Variants in RPS6KC1 observed in about 807,000 individuals in gnomAD.
RPS6KC1 encodes the protein ribosomal protein S6 kinase C1.
A neutral mutation model predicts 103.8 loss-of-function variants in RPS6KC1; 54 were observed. The observed-to-expected ratio is 0.52, with a 90% confidence interval of 0.42 to 0.65. The LOEUF (loss-of-function observed/expected upper bound fraction) is 0.65. RPS6KC1 is among the 30% of genes least tolerant of loss of function. The probability of loss-of-function intolerance (pLI) is 0.00; values close to 1 mark genes in which losing one functional copy is unlikely to be tolerated. For synonymous variants in RPS6KC1, 439 were observed against 438.7 expected, an observed-to-expected ratio of 1.00 and a Z score of -0.01; for missense variants, 1,151 against 1,253.8, an observed-to-expected ratio of 0.92 and a Z score of 1.24.
At chr1:213,427,705 G>A in the RPS6KC1 span, among the ~76,000 whole-genome samples, 7 of 152,274 alleles carry the variant, frequency 4.6e-5, no homozygotes, top group Middle Eastern at 3.4e-3. Flanking sequence ...AGTCACACAG[G>A]AATGAATGCA....
At chr1:213,234,269 C>T (rs184492099) in intron 10 of RPS6KC1, among the ~76,000 whole-genome samples, 11 of 152,164 alleles carry the variant, frequency 7.2e-5, no homozygotes, top group Admixed American at 2.0e-4. Flanking sequence ...CCTCAGCCTC[C>T]CAAAATGCTG....
intron 10 of RPS6KC1, among the ~76,000 whole-genome samples, chr1:213,233,671 G>A (rs1030164412): frequency 6.6e-6 from 1 of 151,602 alleles, no homozygotes; most frequent in Non-Finnish European, 1.5e-5. Flanking sequence ...TATACCTCTT[G>A]AAACTGATGT....
the RPS6KC1 span, among the ~76,000 whole-genome samples, chr1:213,628,811 T>C: frequency 6.6e-6 from 1 of 152,312 alleles, no homozygotes; most frequent in East Asian, 1.9e-4. Flanking sequence ...TCAAAGAACG[T>C]CTTTATATCT....
At chr1:213,846,922 G>A in the RPS6KC1 span, among the ~76,000 whole-genome samples, 65 of 152,120 alleles carry the variant, frequency 4.3e-4, 1 homozygote, top group South Asian at 0.013. Context: ...TTTTCTTTGG[G>A]TGTTATTTCA....
chr1:213,396,794 G>A, the RPS6KC1 span, among the ~76,000 whole-genome samples: 1 of 152,190 alleles, frequency 6.6e-6, no homozygotes, highest in South Asian at 2.1e-4. Context: ...GAAGCAAGAG[G>A]AATAAGGCAC....
chr1:213,806,359 GAAAA>G, the RPS6KC1 span, among the ~76,000 whole-genome samples: 45 of 151,186 alleles, frequency 3.0e-4, 1 homozygote, highest in Admixed American at 2.8e-3. Context: ...AAAATAAAAA[GAAAA>G]AAAAATCAGT....
intron 8 of RPS6KC1, among the ~76,000 whole-genome samples, chr1:213,190,225 T>TCC (rs1439361251): frequency 6.6e-6 from 1 of 152,170 alleles, no homozygotes; most frequent in African/African-American, 2.4e-5. Flanking sequence ...TTGTGGAGCC[T>TCC]CCAAACTGTT....
At chr1:213,728,738 G>A in the RPS6KC1 span, among the ~76,000 whole-genome samples, 1 of 152,012 alleles carries the variant, frequency 6.6e-6, no homozygotes, top group Non-Finnish European at 1.5e-5. Flanking sequence ...GAGGGGGGAT[G>A]GCAATTCTGG....
the RPS6KC1 span, among the ~76,000 whole-genome samples, chr1:213,786,177 GGAAGT>G: frequency 1.3e-5 from 2 of 152,194 alleles, no homozygotes; most frequent in African/African-American, 4.8e-5. Flanking sequence ...AGATCCAGCA[GGAAGT>G]TGGCGGGAGA....
the RPS6KC1 span, among the ~76,000 whole-genome samples, chr1:213,826,826 A>C: frequency 6.6e-6 from 1 of 152,180 alleles, no homozygotes; most frequent in East Asian, 1.9e-4. Flanking sequence ...AGGCATAGAA[A>C]AGTTAAGCAT....
chr1:213,459,239 CT>C, the RPS6KC1 span, among the ~76,000 whole-genome samples: 2 of 151,686 alleles, frequency 1.3e-5, no homozygotes, highest in Non-Finnish European at 2.9e-5. Flanking sequence ...CGGTCCTGGG[CT>C]TTTTTTTGGT....
the RPS6KC1 span, among the ~76,000 whole-genome samples, chr1:213,432,744 T>G: frequency 8.2e-6 from 1 of 121,526 alleles, no homozygotes; most frequent in Non-Finnish European, 1.8e-5. Context: ...CATGTAATCA[T>G]TTCCCTTTTT....
the RPS6KC1 span, among the ~76,000 whole-genome samples, chr1:213,426,364 A>G: frequency 1.3e-4 from 20 of 152,060 alleles, no homozygotes; most frequent in Non-Finnish European, 2.4e-4. Flanking sequence ...AGGCTGGGCC[A>G]CCTCATGCCC....
chr1:213,823,298 C>T, the RPS6KC1 span, among the ~76,000 whole-genome samples: 3 of 152,168 alleles, frequency 2.0e-5, no homozygotes, highest in African/African-American at 7.2e-5. Context: ...TATTATCTAC[C>T]TACCAACTAG....
At chr1:213,717,883 C>T in the RPS6KC1 span, among the ~76,000 whole-genome samples, 1 of 152,202 alleles carries the variant, frequency 6.6e-6, no homozygotes, top group African/African-American at 2.4e-5. Context: ...CAGAGACCCT[C>T]TTTCCTTAGG....
intron 4 of RPS6KC1, among the ~76,000 whole-genome samples, chr1:213,111,402 A>G (rs1453161307): frequency 6.6e-6 from 1 of 152,182 alleles, no homozygotes; most frequent in Non-Finnish European, 1.5e-5. Flanking sequence ...AGAAGTTTAA[A>G]ATTAGGATTG....
chr1:213,200,573 T>C (rs58868761), intron 8 of RPS6KC1, among the ~76,000 whole-genome samples: 23,063 of 152,108 alleles, frequency 0.15, 4,575 homozygotes, highest in African/African-American at 0.46. Flanking sequence ...ACATAGGCAC[T>C]GGCAATGATT....
chr1:213,235,197 C>A (rs61832470), intron 10 of RPS6KC1, among the ~76,000 whole-genome samples: 1,807 of 152,306 alleles, frequency 0.012, 11 homozygotes, highest in East Asian at 0.025. Context: ...TACAGAACTA[C>A]TCATGATTTA....
intron 8 of RPS6KC1, among the ~76,000 whole-genome samples, chr1:213,229,267 C>T (rs1573458609): frequency 6.6e-6 from 1 of 152,118 alleles, no homozygotes; most frequent in East Asian, 1.9e-4. Flanking sequence ...GGTTTCCCAT[C>T]TCAACTTCCT....
Sources: allele counts gnomAD v4.1 joint callset (sites outside exome capture counted in the v4.1 genomes callset), GRCh38; gene constraint gnomAD v4.1.1; transcripts MANE v1.5; gene names NCBI Gene and HGNC (gene_info 2026-07-23, HGNC 2026-07-21).